The following NAALADL2 variants were observed in gnomAD, a reference collection of about 807,000 sequenced individuals.
NAALADL2 encodes N-acetylated alpha-linked acidic dipeptidase like 2, also known as inactive N-acetylated-alpha-linked acidic dipeptidase-like protein 2.
Under a neutral mutation model 87.2 loss-of-function variants are expected in NAALADL2, and 76 were observed. That is an observed-to-expected ratio of 0.87 (90% CI 0.72 to 1.05). The LOEUF is 1.05. Among genes scored for constraint, NAALADL2 ranks in the 50% least tolerant of loss-of-function variants. The probability of loss-of-function intolerance (pLI) is 0.00; values close to 1 mark genes in which losing one functional copy is unlikely to be tolerated. For missense variants in NAALADL2, 1,089 were observed against 945.8 expected (o/e 1.15, Z -1.99); for synonymous variants, 354 against 331.0 (o/e 1.07, Z -0.75).
At chr3:175,558,017 AC>A (rs1560754196) in intron 9 of NAALADL2, among the ~76,000 whole-genome samples, 1 of 151,324 alleles carries the variant, frequency 6.6e-6, no homozygotes, top group African/African-American at 2.4e-5. Flanking sequence ...ACATGGTGAA[AC>A]CCCGTTTCTA....
rs867475803 is a variant in NAALADL2 at position 175,374,920 on chromosome 3, G to A, written c.1090+50595G>A. Among the ~76,000 whole-genome samples, 6 of 150,398 alleles carry A rather than the reference G, an allele frequency of 4.0e-5. No homozygotes were observed. The South Asian group carries it at 6.5e-4, about 16-fold the overall frequency. On this transcript the variant is annotated intron_variant, in intron 5 of 13. Transcript: ENST00000454872. ...AATAAATAAATAAATAAATAAATAA[G>A]TCAAGTTGTGTAGTTTTACCTTTTA...
intron 9 of NAALADL2, among the ~76,000 whole-genome samples, chr3:175,481,018 A>G (rs1473976099): frequency 6.6e-6 from 1 of 151,852 alleles, no homozygotes; most frequent in Non-Finnish European, 1.5e-5. Flanking sequence ...TTCTTTGTGT[A>G]ATGCATGCAG....
At chr3:175,674,231 A>G (rs550909446) in intron 11 of NAALADL2, among the ~76,000 whole-genome samples, 12 of 150,432 alleles carry the variant, frequency 8.0e-5, no homozygotes, top group African/African-American at 2.9e-4. Flanking sequence ...TGTAAAAGTG[A>G]TTTCCAACTG....
chr3:175,050,122 T>C (rs900605529), intron 1 of NAALADL2, among the ~76,000 whole-genome samples: 3 of 152,184 alleles, frequency 2.0e-5, no homozygotes, highest in Admixed American at 2.0e-4. Context: ...GAGTGTGCCC[T>C]GGGATGAAGT....
rs527322218 is a variant in NAALADL2 at position 175,303,637 on chromosome 3, C to T, written c.940-20538C>T. 5.1e-4 allele frequency among the ~76,000 whole-genome samples: 77 copies of T among 152,302 alleles called. 1 individual carries two copies. Among genetic ancestry groups the T allele is most frequent in the African/African-American group, 1.8e-3 (75 of 41,558 alleles). On this transcript the variant is annotated intron_variant, in intron 4 of 13. Transcript: ENST00000454872. ...TTATCATATTTCCCTTAAACTACCG[C>T]ACATAGCGTTACTTGCAGAATTTTT...
rs1011507626 is a variant in NAALADL2 at position 175,809,837 on chromosome 3, C to T, written c.*6634C>T. ...ATATGTAAGATTTTAGAAGTAAAAT[C>T]TCAGTGGTATAACATTTAAAACACA... is the stretch of plus-strand genomic sequence containing the variant. On this transcript the variant is annotated 3_prime_UTR_variant, in exon 14 of 14. Transcript: ENST00000454872. 1 of 151,954 alleles carries T rather than the reference C, an allele frequency of 6.6e-6. No individual in the cohort carries two copies. The highest frequency in any genetic ancestry group is 2.4e-5 in the African/African-American group (1 of 41,402). 9.4% of individuals were successfully genotyped at this position (151,954 alleles called of 1,614,324 possible). A position where few individuals can be genotyped will look rare whatever the true frequency, so the allele number is the denominator to read the frequency against.
intron 5 of NAALADL2, among the ~76,000 whole-genome samples, chr3:175,391,921 T>C (rs974358924): frequency 2.1e-4 from 32 of 152,180 alleles, no homozygotes; most frequent in African/African-American, 7.5e-4. Flanking sequence ...GCTAACAATG[T>C]GTCAAGCATT....
intron 1 of NAALADL2, among the ~76,000 whole-genome samples, chr3:175,062,301 C>A (rs1471236189): frequency 6.6e-6 from 1 of 152,092 alleles, no homozygotes; most frequent in Non-Finnish European, 1.5e-5. Flanking sequence ...AGGTCACAGG[C>A]CTTGATATTT....
chr3:175,234,594 G>A (rs1472764096), intron 3 of NAALADL2, among the ~76,000 whole-genome samples: 1 of 152,156 alleles, frequency 6.6e-6, no homozygotes, highest in Non-Finnish European at 1.5e-5. Context: ...AAATTAAGTG[G>A]AAAATTGATA....
At chr3:174,560,757 C>G (rs1713502275) in intron 2 of NAALADL2, among the ~76,000 whole-genome samples, 1 of 152,074 alleles carries the variant, frequency 6.6e-6, no homozygotes, top group Admixed American at 6.6e-5. Flanking sequence ...TATGTCCTCT[C>G]CCTCTCATAC....
chr3:175,271,431 C>T (rs1374768993), intron 4 of NAALADL2, among the ~76,000 whole-genome samples: 1 of 152,144 alleles, frequency 6.6e-6, no homozygotes, highest in Non-Finnish European at 1.5e-5. Context: ...TCTTCATGCA[C>T]ATGAAAGAGT....
At chr3:174,662,771 G>A (rs182756536) in intron 2 of NAALADL2, among the ~76,000 whole-genome samples, 20 of 152,106 alleles carry the variant, frequency 1.3e-4, no homozygotes, top group Admixed American at 5.9e-4. Flanking sequence ...GCTTATTTAC[G>A]GCCAATGCAT....
chr3:174,606,641 A>G (rs1044845180), intron 2 of NAALADL2, among the ~76,000 whole-genome samples: 5 of 152,126 alleles, frequency 3.3e-5, no homozygotes, highest in South Asian at 2.1e-4. Flanking sequence ...AAAGAAATGA[A>G]CAAAGCCTCC....
intron 11 of NAALADL2, among the ~76,000 whole-genome samples, chr3:175,724,492 G>A (rs1377764962): frequency 1.3e-5 from 2 of 152,132 alleles, no homozygotes; most frequent in Admixed American, 6.5e-5. Context: ...TAAAGCACTT[G>A]TGGTATTTTT....
chr3:174,745,340 T>TA (rs1057118401), intron 3 of NAALADL2, among the ~76,000 whole-genome samples: 13 of 151,704 alleles, frequency 8.6e-5, no homozygotes, highest in Admixed American at 2.0e-4. Flanking sequence ...CTAGAAGATC[T>TA]AAAAAAAACT....
At chr3:175,648,923 C>T (rs1009235805) in intron 11 of NAALADL2, among the ~76,000 whole-genome samples, 1 of 152,162 alleles carries the variant, frequency 6.6e-6, no homozygotes, top group Non-Finnish European at 1.5e-5. Flanking sequence ...AGACTAGTTA[C>T]AAGTATTTAG....
At chr3:174,608,165 C>T (rs1354871378) in intron 2 of NAALADL2, among the ~76,000 whole-genome samples, 3 of 151,612 alleles carry the variant, frequency 2.0e-5, no homozygotes, top group African/African-American at 7.3e-5. Flanking sequence ...ACATTCAAAG[C>T]AGTGTGTAGA....
At position 175,475,024 on chromosome 3, in the gene NAALADL2, T is replaced by TACACACACAC. The variant is rs3040495; in HGVS notation, c.1653+3281_1653+3290dup. 2.9e-3 allele frequency among the ~76,000 whole-genome samples: 433 copies of TACACACACAC among 149,714 alleles called. 5 individuals carry two copies. Among genetic ancestry groups the TACACACACAC allele is most frequent in the East Asian group, 6.1e-3 (31 of 5,054 alleles). ...ATTCTTTCATGCACAAACATTTAAG[T>TACACACACAC]ACACACACACACACACACACACACT... On this transcript the variant is annotated intron_variant, in intron 9 of 13. Coordinates refer to ENST00000454872, the MANE Select transcript of NAALADL2 (RefSeq NM_207015.3).
intron 3 of NAALADL2, among the ~76,000 whole-genome samples, chr3:174,845,324 A>G (rs927595419): frequency 6.6e-6 from 1 of 152,132 alleles, no homozygotes; most frequent in Admixed American, 6.6e-5. Context: ...TCCTGCCAGC[A>G]TGGGCTGAGT....
Sources: gnomAD v4.1 joint callset for allele counts (sites outside exome capture counted in the v4.1 genomes callset) on GRCh38, gnomAD v4.1.1 for gene constraint, MANE v1.5 for transcripts, NCBI Gene and HGNC (gene_info 2026-07-23, HGNC 2026-07-21) for gene names.